The following MCM4 variants were observed in gnomAD, a reference collection of about 807,000 sequenced individuals.
The protein encoded by MCM4 is DNA replication licensing factor MCM4.
In MCM4, 60 loss-of-function variants were observed where a neutral mutation model predicts 88.7. The ratio of observed to expected loss-of-function variants is 0.68; its 90% confidence interval spans 0.55 to 0.84. MCM4 has a LOEUF of 0.84. Among genes scored for constraint, MCM4 ranks in the 40% least tolerant of loss-of-function variants. The probability of loss-of-function intolerance (pLI) is 0.00; values close to 1 mark genes in which losing one functional copy is unlikely to be tolerated. For synonymous variants in MCM4, 465 were observed against 410.5 expected, an observed-to-expected ratio of 1.13 and a Z score of -1.61; for missense variants, 1,149 against 1,105.5, an observed-to-expected ratio of 1.04 and a Z score of -0.56.
chr8:47,977,878 C>T lies in MCM4; in HGVS notation c.*1100C>T, dbSNP rs2091014694. ...TTAGATTCTAGGTTAACTTCTACCA[C>T]TTTACCCTAATACATAAAACTTTTT... On this transcript the variant is annotated 3_prime_UTR_variant, in exon 17 of 17. Coordinates refer to ENST00000649973, the MANE Select transcript of MCM4 (RefSeq NM_182746.3). 1 of 152,170 alleles carries T rather than the reference C, an allele frequency of 6.6e-6. No homozygotes were observed. Among genetic ancestry groups the T allele is most frequent in the African/African-American group, 2.4e-5 (1 of 41,436 alleles). 9.4% of individuals were successfully genotyped at this position (152,170 alleles called of 1,614,324 possible).
intron 7 of MCM4, among the ~76,000 whole-genome samples, chr8:47,964,060 T>C (rs1428525656): frequency 6.6e-6 from 1 of 152,012 alleles, no homozygotes; most frequent in African/African-American, 2.4e-5. Context: ...CCCGTCTCTA[T>C]TAAAAATACA....
chr8:47,963,691 G>A (rs1321963605), intron 7 of MCM4, among the ~76,000 whole-genome samples: 1 of 152,180 alleles, frequency 6.6e-6, no homozygotes, highest in African/African-American at 2.4e-5. Context: ...TGCTTTGAAA[G>A]AATATATTGT....
In MCM4 at chr8:47,975,720, A is replaced by C. The variant is rs781424285; in HGVS notation, c.2371A>C (p.Ser791Arg). The change falls in exon 16 of 17, where the codon AGT becomes CGT. Residue 791 changes from serine to arginine, a missense_variant. Around this residue, in one of 3 missense-constraint regions of MCM4, gnomAD observed 238 missense variants for 241.6 expected, o/e 0.99. Coordinates refer to ENST00000649973, the MANE Select transcript of MCM4 (RefSeq NM_182746.3). ...TTGATTTCTTTTTAAATCAGGGATG[A>C]GTGCCACCTCTCGTAAACGGAAAGA... Reference protein sequence around the residue: ...VDISILTTGMSATSRKRKEEL... With the variant: ...VDISILTTGMRATSRKRKEEL... The C allele has an allele frequency of 6.4e-7, 1 of 1,554,972 alleles. No homozygotes were observed. Among genetic ancestry groups the C allele is most frequent in the South Asian group, 1.3e-5 (1 of 79,970 alleles).
At chr8:47,973,770 G>A (rs932638730) in intron 14 of MCM4, 5 of 152,314 alleles carry the variant, frequency 3.3e-5, no homozygotes, top group African/African-American at 1.2e-4. Flanking sequence ...TTACAGGCGT[G>A]AGCCACCGCG....
chr8:47,960,975 G>T lies in MCM4; in HGVS notation c.-54G>T, dbSNP rs1253246485. The T allele has an allele frequency of 3.2e-6, 2 of 634,518 alleles. No homozygotes were observed. Among genetic ancestry groups the T allele is most frequent in the Non-Finnish European group, 4.9e-6 (2 of 406,544 alleles). 39.3% of individuals were successfully genotyped at this position (634,518 alleles called of 1,614,324 possible). ...GAGCGCTACTCGCCAGGTGGACTCGGAGTCCGCGAGCGTCGTCGGCAAGCG... is the reference window on the plus strand; with the variant it reads ...GAGCGCTACTCGCCAGGTGGACTCGTAGTCCGCGAGCGTCGTCGGCAAGCG... On this transcript the variant is annotated 5_prime_UTR_variant, in exon 1 of 17. Coordinates refer to ENST00000649973, the MANE Select transcript of MCM4 (RefSeq NM_182746.3).
At chr8:47,974,515 A>C (rs1378382015) in intron 14 of MCM4, 2 of 517,962 alleles carry the variant, frequency 3.9e-6, no homozygotes, top group African/African-American at 3.8e-5. Flanking sequence ...TCCCAGTTGG[A>C]ATATGTTCAC....
At chr8:47,973,301 C>CT (rs761144249) in intron 14 of MCM4, among the ~76,000 whole-genome samples, 67 of 152,076 alleles carry the variant, frequency 4.4e-4, no homozygotes, top group Non-Finnish European at 6.3e-4. Flanking sequence ...TTCAGCCTCC[C>CT]TATTAGCTGG....
Position 47,962,041 on chromosome 8 carries a change from T to A in MCM4, c.236-12T>A, listed in dbSNP as rs1348042583. 1.9e-6 allele frequency: 3 copies of A among 1,613,512 alleles called. No individual in the cohort carries two copies. In the African/African-American group the frequency reaches 4.0e-5, roughly 22 times the overall value. ...GATATGCCACCAGAATTTCCTAATT[T>A]TGTTTTTATAGCTATCCCTCTTGAC... On this transcript the variant is annotated splice_polypyrimidine_tract_variant and intron_variant, in intron 3 of 16. Coordinates refer to ENST00000649973, the MANE Select transcript of MCM4 (RefSeq NM_182746.3).
chr8:47,968,764 G>A (rs1218767492), intron 10 of MCM4, among the ~76,000 whole-genome samples: 1 of 151,312 alleles, frequency 6.6e-6, no homozygotes, highest in Non-Finnish European at 1.5e-5. Flanking sequence ...TAGCTGTAAC[G>A]GGGAAAGGCC....
At position 47,962,142 on chromosome 8, in the gene MCM4, G is replaced by A. The variant is rs2090848477; in HGVS notation, c.325G>A (p.Gly109Ser). Residue 109 changes from glycine (G) to serine (S), a missense_variant, in exon 4 of 17, where the codon GGC becomes AGC. Gly to Ser is a moderately conservative substitution (Grantham distance 56). Around this residue, in one of 3 missense-constraint regions of MCM4, gnomAD observed 906 missense variants for 843.0 expected, o/e 1.07. Transcript: ENST00000649973. ...GGGAACCCCAAGAAGTGGTGTTAGG[G>A]GCACACCTGTGAGACAGAGGCCTGA... Reference protein sequence around the residue: ...VEGTPRSGVRGTPVRQRPDLG... With the variant: ...VEGTPRSGVRSTPVRQRPDLG... 3 of 1,614,188 alleles carry A rather than the reference G, an allele frequency of 1.9e-6. No homozygotes were observed. The highest frequency in any genetic ancestry group is 2.5e-6 in the Non-Finnish European group (3 of 1,180,022).
At chr8:47,972,797 T>A in intron 13 of MCM4, 60 bp from the exon 14 acceptor site, 1 of 1,382,422 alleles carries the variant, frequency 7.2e-7, no homozygotes, top group Non-Finnish European at 1.0e-6. Context: ...CCTCAGGTGA[T>A]CCACCTGCCT....
Position 47,966,195 on chromosome 8 carries a change from C to G in MCM4, c.841C>G (p.Gln281Glu). The G allele has an allele frequency of 6.2e-7, 1 of 1,613,920 alleles. No individual in the cohort carries two copies. The highest frequency in any genetic ancestry group is 2.2e-5 in the East Asian group (1 of 44,876). The change falls in exon 9 of 17, where the codon CAG (glutamine) becomes GAG (glutamate). Residue 281 changes from glutamine (Q) to glutamate (E), a missense_variant. This residue lies in a region of MCM4 where 906 missense variants were observed against 843.0 expected (regional missense o/e 1.07). Coordinates refer to ENST00000649973, the MANE Select transcript of MCM4 (RefSeq NM_182746.3). Reference sequence around the variant, plus strand: ...CTCTTCTCCCCTCACAGACATTGACCAGCTCATCACCATCAGCGGCATGGT... The same window carrying G: ...CTCTTCTCCCCTCACAGACATTGACGAGCTCATCACCATCAGCGGCATGGT... The part of the protein sequence containing the change: ...MRNLNPEDID[Q>E]LITISGMVIR...
intron 14 of MCM4, 21 bp from the exon 15 acceptor site, chr8:47,974,713 T>G: frequency 6.3e-7 from 1 of 1,598,926 alleles, no homozygotes; most frequent in Non-Finnish European, 8.6e-7. Flanking sequence ...GCTTTTGCTT[T>G]TGTTTTTCTA....
At chr8:47,970,477 AAATG>A in intron 11 of MCM4, 30 bp from the exon 12 acceptor site, 1 of 1,561,494 alleles carries the variant, frequency 6.4e-7, no homozygotes, top group Non-Finnish European at 8.7e-7. Context: ...ACTGTGCAGA[AAATG>A]AATGTTTAGA....
intron 11 of MCM4, 68 bp from the exon 12 acceptor site, chr8:47,970,443 A>G (rs1305525797): frequency 2.7e-6 from 4 of 1,505,748 alleles, no homozygotes; most frequent in East Asian, 2.3e-5. Context: ...AAGTACCTCT[A>G]AAGTTTAAAC....
intron 3 of MCM4, 133 bp from the exon 4 acceptor site, chr8:47,961,920 C>T: frequency 2.1e-6 from 2 of 955,444 alleles, no homozygotes; most frequent in Non-Finnish European, 3.1e-6. Flanking sequence ...TAAGAGTGCT[C>T]AGAATCTCAG....
chr8:47,970,134 C>T, intron 11 of MCM4, 77 bp downstream of exon 11: 2 of 1,490,212 alleles, frequency 1.3e-6, no homozygotes, highest in Non-Finnish European at 1.8e-6. Context: ...CACTCCGCCA[C>T]TCGAGCCATC....
intron 11 of MCM4, 53 bp downstream of exon 11, chr8:47,970,110 A>T: frequency 6.3e-7 from 1 of 1,587,952 alleles, no homozygotes; most frequent in Non-Finnish European, 8.6e-7. Flanking sequence ...TTGGGATCAA[A>T]TAGTATAAAC....
Position 47,971,531 on chromosome 8 carries a change from C to G in MCM4, c.1928+63C>G, listed in dbSNP as rs1250595222. 13 of 1,557,514 alleles carry G rather than the reference C, an allele frequency of 8.3e-6. No individual in the cohort carries two copies. The East Asian group carries it at 2.9e-4, about 35-fold the overall frequency. ...TATTCAGGGTGAGATTGAAAAGGAG[C>G]TACTAAGATTTCAGCAACTGCTAAT... On this transcript the variant is annotated intron_variant, in intron 13 of 16. Coordinates refer to ENST00000649973, the MANE Select transcript of MCM4 (RefSeq NM_182746.3).
Sources: allele counts gnomAD v4.1 joint callset (sites outside exome capture counted in the v4.1 genomes callset), GRCh38; gene constraint gnomAD v4.1.1; regional missense constraint gnomAD v4.1.1; transcripts MANE v1.5; gene names NCBI Gene and HGNC (gene_info 2026-07-23, HGNC 2026-07-21).